Variants in ENTPD5 observed in about 807,000 individuals in gnomAD.
ENTPD5 encodes the protein ectonucleoside triphosphate diphosphohydrolase 5 (inactive).
Under a neutral mutation model 60.2 loss-of-function variants are expected in ENTPD5, and 49 were observed. That is an observed-to-expected ratio of 0.81 (90% CI 0.65 to 1.03). ENTPD5 has a LOEUF of 1.03. Ranked by LOEUF, ENTPD5 falls within the 50% of genes least tolerant of loss-of-function variation. ENTPD5 has a pLI of 0.00. For synonymous variants in ENTPD5, 187 were observed against 185.4 expected, an observed-to-expected ratio of 1.01 and a Z score of -0.07; for missense variants, 480 against 507.6, an observed-to-expected ratio of 0.95 and a Z score of 0.52.
downstream of ENTPD5, chr14:73,961,177 G>T: frequency 6.2e-7 from 1 of 1,613,558 alleles, no homozygotes. Context: ...GCTCAGTGGA[G>T]TGATGCTGAC....
chr14:73,962,574 G>T, downstream of ENTPD5: 1 of 180,228 alleles, frequency 5.5e-6, no homozygotes, highest in Non-Finnish European at 1.1e-5. Context: ...AAAAAAAAAT[G>T]AATAGGGATT....
At chr14:73,961,360 G>T (rs367817034), downstream of ENTPD5, 2 of 1,614,166 alleles carry the variant, frequency 1.2e-6, no homozygotes, top group South Asian at 1.1e-5. Context: ...GTCAGGCCTC[G>T]GGTGGCGCTC....
At chr14:73,960,672 C>A, downstream of ENTPD5, 2 of 858,646 alleles carry the variant, frequency 2.3e-6, no homozygotes, top group Non-Finnish European at 2.9e-6. Context: ...AGTTCATAGT[C>A]AAGTAAGGAA....
At chr14:74,003,685 C>G (rs1299491553) in intron 3 of ENTPD5, among the ~76,000 whole-genome samples, 1 of 152,088 alleles carries the variant, frequency 6.6e-6, no homozygotes, top group Non-Finnish European at 1.5e-5. Context: ...CTGCCCTGGA[C>G]CTGGGACATT....
At chr14:73,959,782 C>T (rs2056625395), downstream of ENTPD5, 1 of 1,201,828 alleles carries the variant, frequency 8.3e-7, no homozygotes. Flanking sequence ...GTTGGCCAGG[C>T]TGGTCTCAAA....
At chr14:73,958,066 C>T (rs372075579), downstream of ENTPD5, 3,035 of 1,141,062 alleles carry the variant, frequency 2.7e-3, 7 homozygotes, top group Non-Finnish European at 3.5e-3. Context: ...TGGGACCTTG[C>T]TTTAGGTTTA....
downstream of ENTPD5, among the ~76,000 whole-genome samples, chr14:73,957,640 G>C (rs1439110688): frequency 6.6e-6 from 1 of 151,932 alleles, no homozygotes; most frequent in East Asian, 1.9e-4. Flanking sequence ...ATGTTGCTCA[G>C]GCTGGTCTTG....
chr14:73,993,176 A>G (rs1284083051), intron 3 of ENTPD5, among the ~76,000 whole-genome samples: 2 of 152,068 alleles, frequency 1.3e-5, no homozygotes, highest in Non-Finnish European at 2.9e-5. Context: ...ATCTCTACCA[A>G]AAGTACAAAA....
intron 3 of ENTPD5, among the ~76,000 whole-genome samples, chr14:73,990,305 T>C (rs1425896418): frequency 6.6e-6 from 1 of 152,260 alleles, no homozygotes; most frequent in East Asian, 1.9e-4. Context: ...CTTTAGAACA[T>C]AAATATCCGT....
intron 3 of ENTPD5, among the ~76,000 whole-genome samples, chr14:73,991,971 C>T (rs1295138885): frequency 2.7e-5 from 4 of 150,634 alleles, no homozygotes; most frequent in Non-Finnish European, 4.4e-5. Context: ...TGCACTCCAG[C>T]GTGGGCAACA....
rs1403392286 is a variant in ENTPD5 at position 73,966,604 on chromosome 14, T to C, written c.*324A>G. 1.3e-5 allele frequency: 3 copies of C among 230,664 alleles called. No individual in the cohort carries two copies. The highest frequency in any genetic ancestry group is 2.5e-5 in the Non-Finnish European group (3 of 118,152). The allele number at this position is 230,664 out of a possible 1,614,324, so 14.3% of individuals were successfully genotyped here. ...GTCAGTTTACCATTTAAGAGGAAAA[T>C]TTAAATATTCAGTGGAATGAGGCAC... On this transcript the variant is annotated 3_prime_UTR_variant, in exon 16 of 16. Transcript: ENST00000334696.
chr14:73,955,522 C>CT, downstream of ENTPD5: 1 of 1,613,112 alleles, frequency 6.2e-7, no homozygotes, highest in Non-Finnish European at 8.5e-7. Context: ...GCCCCTTTAT[C>CT]TTTTCAATTT....
intron 1 of ENTPD5, among the ~76,000 whole-genome samples, chr14:74,017,395 C>A (rs1372225147): frequency 6.7e-6 from 1 of 148,958 alleles, no homozygotes; most frequent in South Asian, 2.1e-4. Context: ...GCCTGACCAA[C>A]ATGGAGAAAC....
At chr14:74,008,079 C>T (rs1294728048) in intron 3 of ENTPD5, among the ~76,000 whole-genome samples, 1 of 151,974 alleles carries the variant, frequency 6.6e-6, no homozygotes, top group Non-Finnish European at 1.5e-5. Flanking sequence ...AGTGATGCGT[C>T]CACCTTAGCC....
downstream of ENTPD5, chr14:73,956,158 AC>A (rs2056425550): frequency 2.2e-6 from 1 of 444,854 alleles, no homozygotes. Flanking sequence ...CCCTGTCTCT[AC>A]TAAAAATACA....
Position 73,970,215 on chromosome 14 carries a change from G to A in ENTPD5, c.1085-90C>T, listed in dbSNP as rs2057162291. 4.5e-6 allele frequency: 4 copies of A among 879,824 alleles called. No homozygotes were observed. In the South Asian group the frequency reaches 5.6e-5, roughly 12 times the overall value. The allele number at this position is 879,824 out of a possible 1,614,324, so 54.5% of individuals were successfully genotyped here. On this transcript the variant is annotated intron_variant, in intron 14 of 15. Transcript: ENST00000334696. ...TTAGAAAGAAGTGGAATAGGGGCCA[G>A]GCGCGGTGGCTCACGCCTGTAATCC...
In ENTPD5 at chr14:73,966,979, C is replaced by T. The variant is rs2056999554; in HGVS notation, c.1236G>A (p.Trp412Ter). Residue 412 changes from tryptophan to a stop codon, truncating the protein, a stop_gained, in exon 16 of 16, where the codon TGG (tryptophan) becomes TGA (stop). Transcript: ENST00000334696. LOFTEE classifies it high-confidence loss of function. ...ACAGGTGAAAGGTGGCCCCCAAGGC[C>T]CAGCCCGTCTCTATGTTGTTCACTT... ...TKKVNNIETG[W>*]ALGATFHLLQ... The T allele has an allele frequency of 6.2e-7, 1 of 1,614,032 alleles. No homozygotes were observed. The highest frequency in any genetic ancestry group is 8.5e-7 in the Non-Finnish European group (1 of 1,180,022).
intron 3 of ENTPD5, among the ~76,000 whole-genome samples, chr14:73,997,426 C>A (rs146832776): frequency 1.3e-5 from 2 of 152,196 alleles, no homozygotes; most frequent in East Asian, 1.9e-4. Context: ...GAAAGGTCCA[C>A]CAAAAGGTCC....
downstream of ENTPD5, chr14:73,959,835 G>T: frequency 7.6e-7 from 1 of 1,308,386 alleles, no homozygotes; most frequent in Non-Finnish European, 9.8e-7. Context: ...CTCCCAAAGT[G>T]CTGGGATTAC....
Sources: allele counts gnomAD v4.1 joint callset (sites outside exome capture counted in the v4.1 genomes callset), GRCh38; gene constraint gnomAD v4.1.1; transcripts MANE v1.5; gene names NCBI Gene and HGNC (gene_info 2026-07-23, HGNC 2026-07-21).